Variants in ADAMTS3 observed in about 807,000 individuals in gnomAD.
ADAMTS3 encodes A disintegrin and metalloproteinase with thrombospondin motifs 3.
ADAMTS3 carries 73 observed loss-of-function variants against 129.0 expected under a neutral mutation model. The ratio of observed to expected loss-of-function variants is 0.57; its 90% CI spans 0.47 to 0.69. ADAMTS3 has a LOEUF of 0.69. Ranked by LOEUF, ADAMTS3 falls within the 30% of genes least tolerant of loss-of-function variation. ADAMTS3 has a pLI of 0.00. For synonymous variants in ADAMTS3, 477 were observed against 510.8 expected, an observed-to-expected ratio of 0.93 and a Z score of 0.89; for missense variants, 1,457 against 1,514.5, an observed-to-expected ratio of 0.96 and a Z score of 0.63.
intron 12 of ADAMTS3, 78 bp from the exon 13 acceptor site, chr4:72,312,544 G>A: frequency 1.4e-6 from 2 of 1,424,200 alleles, no homozygotes; most frequent in East Asian, 2.4e-5. Context: ...GTGCTTGAGG[G>A]CACAAAGCCA....
chr4:72,382,034 G>A (rs1027768102), intron 4 of ADAMTS3, among the ~76,000 whole-genome samples: 2 of 152,052 alleles, frequency 1.3e-5, no homozygotes, highest in Non-Finnish European at 1.5e-5. Flanking sequence ...GAAGTGCTAT[G>A]GTGGCAGTAA....
intron 5 of ADAMTS3, among the ~76,000 whole-genome samples, chr4:72,336,107 C>A (rs1248356929): frequency 6.6e-6 from 1 of 152,154 alleles, no homozygotes; most frequent in Non-Finnish European, 1.5e-5. Context: ...ATGAAATTGA[C>A]AACCAGGTAA....
At chr4:72,493,761 T>C (rs778885251) in intron 3 of ADAMTS3, among the ~76,000 whole-genome samples, 13 of 152,232 alleles carry the variant, frequency 8.5e-5, no homozygotes, top group Middle Eastern at 6.8e-3. Flanking sequence ...TCTTGTAAAG[T>C]AAGTCTAGTG....
chr4:72,479,107 G>A (rs996515308), intron 3 of ADAMTS3, among the ~76,000 whole-genome samples: 4 of 152,132 alleles, frequency 2.6e-5, no homozygotes, highest in Admixed American at 6.6e-5. Flanking sequence ...TCCTGAGAAT[G>A]GCCATACTGC....
intron 18 of ADAMTS3, 91 bp from the exon 19 acceptor site, chr4:72,295,877 A>G: frequency 6.8e-7 from 1 of 1,468,668 alleles, no homozygotes; most frequent in African/African-American, 1.4e-5. Context: ...ACATTTATTC[A>G]TCCATTCAAT....
At position 72,304,193 on chromosome 4, in the gene ADAMTS3, G is replaced by A. The variant is rs16847819; in HGVS notation, c.2261-113C>T. 18,800 of 1,074,482 alleles carry A rather than the reference G, an allele frequency of 0.017. 1,953 individuals carry two copies. The Admixed American group carries it at 0.25, about 14-fold the overall frequency. The allele number at this position is 1,074,482 out of a possible 1,614,324, so 66.6% of individuals were successfully genotyped here. A position where few individuals can be genotyped will look rare whatever the true frequency, so the allele number is the denominator to read the frequency against. ...AATCAATGACCATGTTTCTTTATTA[G>A]TAGCAAGGAATCAAAATGGGTGTTA... On this transcript the variant is annotated intron_variant, in intron 16 of 21. Transcript: ENST00000286657.
At chr4:72,518,357 T>G (rs1180279733) in intron 3 of ADAMTS3, among the ~76,000 whole-genome samples, 1 of 152,186 alleles carries the variant, frequency 6.6e-6, no homozygotes, top group Non-Finnish European at 1.5e-5. Context: ...TTAGGTACAC[T>G]TGGTGCAGAG....
intron 5 of ADAMTS3, among the ~76,000 whole-genome samples, chr4:72,328,133 T>A (rs138351793): frequency 6.6e-6 from 1 of 152,180 alleles, no homozygotes; most frequent in African/African-American, 2.4e-5. Flanking sequence ...AGCCAACCTA[T>A]TGGACCATGG....
intron 3 of ADAMTS3, among the ~76,000 whole-genome samples, chr4:72,541,023 A>G (rs1324552253): frequency 1.3e-5 from 2 of 152,148 alleles, no homozygotes; most frequent in African/African-American, 4.8e-5. Flanking sequence ...CAGACCCCAG[A>G]ATGATATATC....
chr4:72,429,379 C>T (rs941456162), intron 3 of ADAMTS3, among the ~76,000 whole-genome samples: 4 of 151,856 alleles, frequency 2.6e-5, no homozygotes, highest in Non-Finnish European at 5.9e-5. Flanking sequence ...TTATAAAAAA[C>T]GTATTCTTTC....
At chr4:72,494,124 AT>A (rs1437851645) in intron 3 of ADAMTS3, among the ~76,000 whole-genome samples, 1 of 152,064 alleles carries the variant, frequency 6.6e-6, no homozygotes, top group Non-Finnish European at 1.5e-5. Flanking sequence ...CCCGCTCAAG[AT>A]TTGGGAAGTT....
chr4:72,495,307 G>A (rs1292744300), intron 3 of ADAMTS3, among the ~76,000 whole-genome samples: 1 of 152,080 alleles, frequency 6.6e-6, no homozygotes, highest in East Asian at 1.9e-4. Context: ...TAGGGAACTG[G>A]TAGCTCTGGC....
At chr4:72,348,600 CA>C (rs1289327651) in intron 4 of ADAMTS3, among the ~76,000 whole-genome samples, 1 of 151,972 alleles carries the variant, frequency 6.6e-6, no homozygotes, top group African/African-American at 2.4e-5. Context: ...TTATATGGTA[CA>C]ATTGACCATA....
intron 3 of ADAMTS3, among the ~76,000 whole-genome samples, chr4:72,502,145 G>A (rs1296131362): frequency 6.6e-6 from 1 of 152,082 alleles, no homozygotes; most frequent in Non-Finnish European, 1.5e-5. Context: ...AGTTAGGGAG[G>A]AGTTCCTCCT....
At chr4:72,450,026 C>T (rs1035193120) in intron 3 of ADAMTS3, among the ~76,000 whole-genome samples, 29 of 151,728 alleles carry the variant, frequency 1.9e-4, no homozygotes, top group African/African-American at 5.8e-4. Context: ...CCACCTATCT[C>T]TCCCTGGAAG....
intron 3 of ADAMTS3, 143 bp downstream of exon 3, chr4:72,548,335 A>G: frequency 1.2e-6 from 1 of 831,734 alleles, no homozygotes; most frequent in Non-Finnish European, 1.8e-6. Context: ...TGACAGCAAA[A>G]TGCTTTCTAG....
chr4:72,308,178 ATATAAT>A, intron 15 of ADAMTS3, among the ~76,000 whole-genome samples: 1 of 152,154 alleles, frequency 6.6e-6, no homozygotes, highest in South Asian at 2.1e-4. Context: ...TAATACACGT[ATATAAT>A]TATATTTCTC....
intron 3 of ADAMTS3, among the ~76,000 whole-genome samples, chr4:72,482,007 GC>G: frequency 6.6e-6 from 1 of 152,030 alleles, no homozygotes; most frequent in Non-Finnish European, 1.5e-5. Context: ...ATCACCAAAT[GC>G]TGGTAAGAAT....
intron 4 of ADAMTS3, among the ~76,000 whole-genome samples, chr4:72,403,105 A>G (rs1423865692): frequency 6.6e-6 from 1 of 152,092 alleles, no homozygotes. Flanking sequence ...ACCTAAAGTA[A>G]GAAACTGCCA....
Sources: gnomAD v4.1 joint callset for allele counts (sites outside exome capture counted in the v4.1 genomes callset) on GRCh38, gnomAD v4.1.1 for gene constraint, MANE v1.5 for transcripts, NCBI Gene and HGNC (gene_info 2026-07-23, HGNC 2026-07-21) for gene names.